Variants in ANKRD36C observed in about 807,000 individuals in gnomAD.
ANKRD36C encodes ankyrin repeat domain 36C, also known as ankyrin repeat domain-containing protein 36C.
ANKRD36C carries 61 observed loss-of-function variants against 276.4 expected under a neutral mutation model. That is an observed-to-expected ratio of 0.22 (90% CI 0.18 to 0.27). The LOEUF is 0.27. Ranked by LOEUF, ANKRD36C falls within the 10% of genes least tolerant of loss-of-function variation. The probability of loss-of-function intolerance (pLI) is 1.00; values close to 1 mark genes in which losing one functional copy is unlikely to be tolerated. For missense variants in ANKRD36C, 1,447 were observed against 2,032.3 expected (o/e 0.71, Z 5.54); for synonymous variants, 483 against 680.1 (o/e 0.71, Z 4.51).
At chr2:95,891,312 A>C (rs560329935) in intron 46 of ANKRD36C, among the ~76,000 whole-genome samples, 9 of 151,398 alleles carry the variant, frequency 5.9e-5, no homozygotes, top group Non-Finnish European at 1.3e-4. Flanking sequence ...TTGGCAGTAC[A>C]ATCTGAAGTG....
At chr2:95,942,158 T>C (rs369653360) in intron 19 of ANKRD36C, among the ~76,000 whole-genome samples, 13 of 128,540 alleles carry the variant, frequency 1.0e-4, no homozygotes, top group South Asian at 8.1e-4. Flanking sequence ...TAGATGACCT[T>C]ACTCAAAAAA....
chr2:95,955,778 C>T (rs1678312672), intron 13 of ANKRD36C, among the ~76,000 whole-genome samples: 2 of 152,146 alleles, frequency 1.3e-5, no homozygotes, highest in Non-Finnish European at 2.9e-5. Context: ...TTCAGGTTCT[C>T]CACCTGAACA....
chr2:95,859,262 G>A (rs1675504453), intron 61 of ANKRD36C, among the ~76,000 whole-genome samples: 1 of 152,036 alleles, frequency 6.6e-6, no homozygotes, highest in African/African-American at 2.4e-5. Context: ...TCGAACTCCT[G>A]ACCTCGTGAT....
At chr2:95,958,246 T>C (rs1267995086) in intron 12 of ANKRD36C, among the ~76,000 whole-genome samples, 1 of 152,014 alleles carries the variant, frequency 6.6e-6, no homozygotes, top group Non-Finnish European at 1.5e-5. Context: ...ATCAGGCGCC[T>C]ACAATTTCTA....
At chr2:95,917,646 T>C (rs561005852) in intron 36 of ANKRD36C, among the ~76,000 whole-genome samples, 2 of 151,636 alleles carry the variant, frequency 1.3e-5, no homozygotes, top group South Asian at 2.1e-4. Flanking sequence ...CGTGGGGAAG[T>C]GTATAATCAT....
chr2:95,964,970 C>T (rs1678557315), intron 6 of ANKRD36C, among the ~76,000 whole-genome samples: 2 of 151,706 alleles, frequency 1.3e-5, no homozygotes, highest in African/African-American at 4.8e-5. Flanking sequence ...ACTCCAATGA[C>T]ACTGCCTCTC....
chr2:95,975,809 T>G (rs997010510), intron 6 of ANKRD36C, among the ~76,000 whole-genome samples: 4 of 151,866 alleles, frequency 2.6e-5, no homozygotes, highest in South Asian at 2.1e-4. Flanking sequence ...CTTCTGCCCA[T>G]CAAAAGAAAC....
chr2:95,978,157 T>A, exon 6 of ANKRD36C: 3 of 1,282,972 alleles, frequency 2.3e-6, no homozygotes, highest in Non-Finnish European at 3.2e-6. Flanking sequence ...TTCATGTTTC[T>A]TTCTTTCATA....
intron 44 of ANKRD36C, among the ~76,000 whole-genome samples, chr2:95,896,798 T>G (rs899216679): frequency 6.7e-6 from 1 of 149,818 alleles, no homozygotes; most frequent in African/African-American, 2.5e-5. Flanking sequence ...TTTTCACACC[T>G]TCCTGCCTCA....
intron 6 of ANKRD36C, among the ~76,000 whole-genome samples, chr2:95,971,819 T>C (rs1678707072): frequency 6.6e-6 from 1 of 152,184 alleles, no homozygotes; most frequent in African/African-American, 2.4e-5. Context: ...ACTTATTTTA[T>C]CTAACCATTT....
chr2:95,888,421 A>G (rs1171559259), intron 48 of ANKRD36C, among the ~76,000 whole-genome samples: 1 of 151,720 alleles, frequency 6.6e-6, no homozygotes, highest in Non-Finnish European at 1.5e-5. Context: ...AATGTGATCT[A>G]AAATCAGAGG....
chr2:95,988,997 G>A (rs1679085844), intron 1 of ANKRD36C, among the ~76,000 whole-genome samples: 1 of 152,062 alleles, frequency 6.6e-6, no homozygotes, highest in South Asian at 2.1e-4. Flanking sequence ...GTGAAACCCC[G>A]TCTTTACTAA....
At chr2:95,879,652 C>T (rs1435222123) in intron 58 of ANKRD36C, among the ~76,000 whole-genome samples, 2 of 152,048 alleles carry the variant, frequency 1.3e-5, no homozygotes, top group African/African-American at 4.8e-5. Flanking sequence ...ATCTGATTGG[C>T]TTAATATAAT....
intron 59 of ANKRD36C, among the ~76,000 whole-genome samples, chr2:95,872,844 G>C (rs575821623): frequency 1.3e-5 from 2 of 152,074 alleles, no homozygotes; most frequent in African/African-American, 4.8e-5. Context: ...TATCACCACC[G>C]ATCCCACAGA....
At chr2:95,914,576 T>C (rs1480451192) in intron 38 of ANKRD36C, among the ~76,000 whole-genome samples, 1 of 151,462 alleles carries the variant, frequency 6.6e-6, no homozygotes, top group African/African-American at 2.4e-5. Flanking sequence ...TCAATGTGCA[T>C]AGGCCGGGTG....
chr2:95,975,591 T>A (rs1162976610), intron 6 of ANKRD36C, among the ~76,000 whole-genome samples: 1 of 152,196 alleles, frequency 6.6e-6, no homozygotes, highest in Non-Finnish European at 1.5e-5. Context: ...AAGCTGAAAC[T>A]GGATCCCTTC....
chr2:95,956,491 A>C (rs896898997), intron 13 of ANKRD36C, among the ~76,000 whole-genome samples: 23 of 152,248 alleles, frequency 1.5e-4, no homozygotes, highest in African/African-American at 5.1e-4. Flanking sequence ...GCTTAGGGGC[A>C]AATGAAGTGA....
intron 6 of ANKRD36C, among the ~76,000 whole-genome samples, chr2:95,965,780 GAT>G (rs145122711): frequency 2.0e-5 from 3 of 150,810 alleles, no homozygotes; most frequent in Non-Finnish European, 4.4e-5. Flanking sequence ...GGATAGATCT[GAT>G]ATATATATAT....
chr2:95,873,600 A>T (rs1247113319), intron 59 of ANKRD36C, among the ~76,000 whole-genome samples: 1 of 152,236 alleles, frequency 6.6e-6, no homozygotes, highest in Non-Finnish European at 1.5e-5. Context: ...CCCTTTGAAA[A>T]CTGGCACAAG....
Sources: allele counts gnomAD v4.1 joint callset (sites outside exome capture counted in the v4.1 genomes callset), GRCh38; gene constraint gnomAD v4.1.1; transcripts MANE v1.5; gene names NCBI Gene and HGNC (gene_info 2026-07-23, HGNC 2026-07-21).